GPC6: variants seen among roughly 807,000 people sequenced by gnomAD.
The protein encoded by GPC6 is glypican 6, also known as glypican-6.
In GPC6, 14 loss-of-function variants were observed where a neutral mutation model predicts 55.2. The observed-to-expected ratio is 0.25, with a 90% confidence interval of 0.17 to 0.40. GPC6 has a LOEUF of 0.40. Among genes scored for constraint, GPC6 ranks in the 10% least tolerant of loss-of-function variants. The pLI is 1.00. For synonymous variants in GPC6, 278 were observed against 259.6 expected, an observed-to-expected ratio of 1.07 and a Z score of -0.68; for missense variants, 641 against 708.5, an observed-to-expected ratio of 0.90 and a Z score of 1.08.
intron 2 of GPC6, among the ~76,000 whole-genome samples, chr13:93,576,313 A>G (rs1876662418): frequency 5.3e-5 from 8 of 152,182 alleles, no homozygotes. Flanking sequence ...AAGAAGACAA[A>G]AAATTATATT....
At chr13:94,207,248 C>T (rs1036543149) in intron 4 of GPC6, among the ~76,000 whole-genome samples, 10 of 152,314 alleles carry the variant, frequency 6.6e-5, no homozygotes, top group Non-Finnish European at 1.2e-4. Context: ...ATGGCATTCA[C>T]GTCCATGTCT....
chr13:93,702,358 A>G (rs891401672), intron 2 of GPC6, among the ~76,000 whole-genome samples: 1 of 152,006 alleles, frequency 6.6e-6, no homozygotes, highest in African/African-American at 2.4e-5. Flanking sequence ...TGCTCTAAAC[A>G]GAAGTGCTGA....
chr13:93,322,950 C>T (rs36000314), intron 1 of GPC6, among the ~76,000 whole-genome samples: 1 of 151,870 alleles, frequency 6.6e-6, no homozygotes, highest in South Asian at 2.1e-4. Flanking sequence ...GCCCCCCACA[C>T]CCCCTTAGTC....
At chr13:93,475,326 G>A (rs1184745742) in intron 1 of GPC6, among the ~76,000 whole-genome samples, 1 of 152,122 alleles carries the variant, frequency 6.6e-6, no homozygotes, top group African/African-American at 2.4e-5. Flanking sequence ...AATTATTAAT[G>A]TTAATTACTT....
intron 4 of GPC6, among the ~76,000 whole-genome samples, chr13:94,282,994 G>A (rs972995732): frequency 6.6e-6 from 1 of 152,168 alleles, no homozygotes; most frequent in Admixed American, 6.5e-5. Flanking sequence ...ATGCAGCTTT[G>A]TATCTCTCAC....
At chr13:93,580,860 G>A (rs1196801474) in intron 2 of GPC6, among the ~76,000 whole-genome samples, 2 of 152,044 alleles carry the variant, frequency 1.3e-5, no homozygotes, top group African/African-American at 4.8e-5. Flanking sequence ...ATTCCAGCCA[G>A]CATCTATTGC....
At chr13:93,229,092 T>C (rs947769084) in intron 1 of GPC6, among the ~76,000 whole-genome samples, 16 of 152,338 alleles carry the variant, frequency 1.1e-4, no homozygotes, top group Admixed American at 5.9e-4. Context: ...TCTATCCTTG[T>C]TACTTCTTCC....
At chr13:94,234,746 C>G (rs2139017773) in intron 4 of GPC6, among the ~76,000 whole-genome samples, 1 of 152,154 alleles carries the variant, frequency 6.6e-6, no homozygotes, top group Non-Finnish European at 1.5e-5. Flanking sequence ...GGCTATCAAC[C>G]AGACGCAATA....
chr13:94,130,123 G>A (rs1400014055), intron 4 of GPC6, among the ~76,000 whole-genome samples: 1 of 152,020 alleles, frequency 6.6e-6, no homozygotes, highest in Non-Finnish European at 1.5e-5. Context: ...GGACTTTTGA[G>A]TACTATAAAT....
At chr13:94,247,885 G>T (rs568638222) in intron 4 of GPC6, among the ~76,000 whole-genome samples, 1 of 151,958 alleles carries the variant, frequency 6.6e-6, no homozygotes, top group African/African-American at 2.4e-5. Flanking sequence ...GAGTGCAGTG[G>T]CTGTTCACAG....
In GPC6 at chr13:93,424,632, A is replaced by ATCATCT. The variant is rs573943203; in HGVS notation, c.161-120626_161-120625insTTCATC. Among the ~76,000 whole-genome samples the ATCATCT allele has an allele frequency of 2.2e-4, 34 of 152,062 alleles. No homozygotes were observed. In the South Asian group the frequency reaches 6.7e-3, roughly 30 times the overall value. On this transcript the variant is annotated intron_variant, in intron 1 of 8. Transcript: ENST00000377047. ...TATCATCATCATCATCATCATCTTC[A>ATCATCT]TCATCATCATTTTTAAGTTTAAAAA...
chr13:94,343,180 GT>G (rs1316567184), intron 6 of GPC6, among the ~76,000 whole-genome samples: 1 of 152,102 alleles, frequency 6.6e-6, no homozygotes, highest in Non-Finnish European at 1.5e-5. Flanking sequence ...GGTCATTTTG[GT>G]TTTTATTGAT....
intron 1 of GPC6, among the ~76,000 whole-genome samples, chr13:93,316,405 A>G (rs1028043989): frequency 1.3e-5 from 2 of 152,094 alleles, no homozygotes; most frequent in African/African-American, 4.8e-5. Context: ...CTGGGACACA[A>G]AGATGTCCAA....
At chr13:93,778,531 G>A (rs912879391) in intron 2 of GPC6, among the ~76,000 whole-genome samples, 1 of 152,184 alleles carries the variant, frequency 6.6e-6, no homozygotes. Context: ...AAGCAGCTCA[G>A]AGACTACTTT....
chr13:94,055,044 T>A (rs1192518535), intron 4 of GPC6, among the ~76,000 whole-genome samples: 2 of 152,232 alleles, frequency 1.3e-5, no homozygotes, highest in Non-Finnish European at 2.9e-5. Context: ...AAGGTTTGTA[T>A]GACTAGATTC....
intron 2 of GPC6, among the ~76,000 whole-genome samples, chr13:93,727,401 C>T (rs1883681029): frequency 6.6e-6 from 1 of 152,216 alleles, no homozygotes; most frequent in Admixed American, 6.5e-5. Flanking sequence ...TTTCATCACT[C>T]CCCACCCCAT....
At chr13:93,903,907 C>T (rs1350268322) in intron 3 of GPC6, among the ~76,000 whole-genome samples, 1 of 151,918 alleles carries the variant, frequency 6.6e-6, no homozygotes, top group East Asian at 1.9e-4. Context: ...TTGTCTTTCC[C>T]TGTGTGTAGT....
intron 4 of GPC6, among the ~76,000 whole-genome samples, chr13:94,258,879 C>G (rs952896491): frequency 6.6e-6 from 1 of 152,152 alleles, no homozygotes; most frequent in Non-Finnish European, 1.5e-5. Flanking sequence ...TACCATCATG[C>G]CTGCAAAATG....
chr13:93,461,597 A>T (rs1878692079), intron 1 of GPC6, among the ~76,000 whole-genome samples: 1 of 148,770 alleles, frequency 6.7e-6, no homozygotes, highest in Non-Finnish European at 1.5e-5. Flanking sequence ...TTTCTAAATC[A>T]TAGGAAATCT....
Sources: gnomAD v4.1 joint callset for allele counts (sites outside exome capture counted in the v4.1 genomes callset) on GRCh38, gnomAD v4.1.1 for gene constraint, MANE v1.5 for transcripts, NCBI Gene and HGNC (gene_info 2026-07-23, HGNC 2026-07-21) for gene names.